The following TENM3 variants were observed in gnomAD, a reference collection of about 807,000 sequenced individuals.
TENM3 encodes teneurin transmembrane protein 3.
TENM3 carries 63 observed loss-of-function variants against 255.1 expected under a neutral mutation model. The observed-to-expected ratio is 0.25, with a 90% CI of 0.20 to 0.30. The LOEUF is 0.30. Ranked by LOEUF, TENM3 falls within the 10% of genes least tolerant of loss-of-function variation. The probability of loss-of-function intolerance (pLI) is 1.00; values close to 1 mark genes in which losing one functional copy is unlikely to be tolerated. For synonymous variants in TENM3, 1,306 were observed against 1,322.3 expected, an observed-to-expected ratio of 0.99 and a Z score of 0.27; for missense variants, 2,929 against 3,461.1, an observed-to-expected ratio of 0.85 and a Z score of 3.86.
the TENM3 span, among the ~76,000 whole-genome samples, chr4:181,520,485 AAGAC>A: frequency 6.6e-6 from 1 of 152,180 alleles, no homozygotes; most frequent in Non-Finnish European, 1.5e-5. Flanking sequence ...ACATGACTGA[AAGAC>A]AGTTTTGTAA....
intron 2 of TENM3, 32 bp from the exon 3 acceptor site, chr4:182,346,619 A>G: frequency 6.3e-7 from 1 of 1,582,178 alleles, no homozygotes; most frequent in Non-Finnish European, 8.7e-7. Flanking sequence ...ACATATACTC[A>G]CTAGTTGTTA....
At chr4:182,327,511 CTTGAA>C (rs10604605) in intron 2 of TENM3, among the ~76,000 whole-genome samples, 70,555 of 151,714 alleles carry the variant, frequency 0.47, 16,831 homozygotes, top group Non-Finnish European at 0.52. Context: ...AATTATCAAA[CTTGAA>C]TTTAATGGTT....
chr4:181,740,871 T>C, the TENM3 span, among the ~76,000 whole-genome samples: 1 of 152,170 alleles, frequency 6.6e-6, no homozygotes, highest in African/African-American at 2.4e-5. Context: ...TACTTTGCTG[T>C]ACCTACTGTT....
At chr4:181,845,669 A>G in the TENM3 span, among the ~76,000 whole-genome samples, 1 of 152,232 alleles carries the variant, frequency 6.6e-6, no homozygotes, top group Admixed American at 6.5e-5. Context: ...TTTGCACCAC[A>G]TGACTGGTAA....
chr4:182,630,658 T>C (rs940068506), intron 5 of TENM3, among the ~76,000 whole-genome samples: 4 of 152,144 alleles, frequency 2.6e-5, no homozygotes, highest in Non-Finnish European at 5.9e-5. Flanking sequence ...GGCACACATT[T>C]ACCTATGTAA....
intron 4 of TENM3, among the ~76,000 whole-genome samples, chr4:182,603,308 T>A (rs1417707496): frequency 1.3e-5 from 2 of 152,176 alleles, no homozygotes; most frequent in East Asian, 1.9e-4. Context: ...TACAGTTTTA[T>A]GAGTTTCAGG....
At chr4:181,954,350 T>C in the TENM3 span, among the ~76,000 whole-genome samples, 2 of 152,164 alleles carry the variant, frequency 1.3e-5, no homozygotes, top group Non-Finnish European at 2.9e-5. Context: ...GCTGGAAAAC[T>C]GTTTTACAAA....
chr4:182,499,836 A>C (rs961884267), intron 3 of TENM3, among the ~76,000 whole-genome samples: 9 of 152,180 alleles, frequency 5.9e-5, no homozygotes, highest in African/African-American at 2.2e-4. Context: ...CCCTTCTCCC[A>C]AAATCTATTT....
At chr4:182,448,632 G>A (rs1580579319) in intron 3 of TENM3, among the ~76,000 whole-genome samples, 2 of 151,990 alleles carry the variant, frequency 1.3e-5, no homozygotes, top group South Asian at 2.1e-4. Context: ...AAGCCCCGCC[G>A]AGGAACACGG....
the TENM3 span, among the ~76,000 whole-genome samples, chr4:181,673,953 C>G: frequency 6.6e-6 from 1 of 151,694 alleles, no homozygotes. Flanking sequence ...TCTTCTAAAG[C>G]AACCACAGCA....
chr4:182,429,666 T>C (rs2151184013), intron 3 of TENM3, among the ~76,000 whole-genome samples: 1 of 152,354 alleles, frequency 6.6e-6, no homozygotes, highest in East Asian at 1.9e-4. Flanking sequence ...TTTCTAAATC[T>C]TTATTACCAT....
the TENM3 span, among the ~76,000 whole-genome samples, chr4:181,831,087 T>C: frequency 0.37 from 56,063 of 152,064 alleles, 10,490 homozygotes; most frequent in Middle Eastern, 0.41. Context: ...AATGTTTGTC[T>C]AATTTAATAT....
At chr4:182,264,058 T>C (rs1759067885) in intron 1 of TENM3, among the ~76,000 whole-genome samples, 1 of 152,224 alleles carries the variant, frequency 6.6e-6, no homozygotes, top group African/African-American at 2.4e-5. Context: ...AGGGTAAGAA[T>C]TCTTTACCAG....
At chr4:181,567,239 C>A in the TENM3 span, among the ~76,000 whole-genome samples, 27 of 152,318 alleles carry the variant, frequency 1.8e-4, no homozygotes, top group Admixed American at 8.5e-4. Context: ...CCTTCAGGAA[C>A]CTTTCATTAT....
chr4:181,507,348 C>T, the TENM3 span, among the ~76,000 whole-genome samples: 1 of 152,298 alleles, frequency 6.6e-6, no homozygotes, highest in South Asian at 2.1e-4. Flanking sequence ...ACAAGTCACA[C>T]GTGTGTCATC....
chr4:182,310,002 A>C (rs1762352337), intron 1 of TENM3, among the ~76,000 whole-genome samples: 1 of 152,206 alleles, frequency 6.6e-6, no homozygotes, highest in South Asian at 2.1e-4. Flanking sequence ...GGATAATTAA[A>C]AGTAGTAAAC....
chr4:182,370,147 AG>A (rs1329492028), intron 3 of TENM3, among the ~76,000 whole-genome samples: 1 of 152,204 alleles, frequency 6.6e-6, no homozygotes, highest in Non-Finnish European at 1.5e-5. Context: ...AAGGGAGGAA[AG>A]TCATGTTGGG....
chr4:181,883,264 A>G, the TENM3 span, among the ~76,000 whole-genome samples: 1 of 152,132 alleles, frequency 6.6e-6, no homozygotes, highest in Non-Finnish European at 1.5e-5. Flanking sequence ...GCATTGTGCT[A>G]AGAACCTGTG....
chr4:182,412,677 A>G (rs1307332167), intron 3 of TENM3, among the ~76,000 whole-genome samples: 1 of 151,980 alleles, frequency 6.6e-6, no homozygotes, highest in East Asian at 1.9e-4. Flanking sequence ...TATCCTGGCC[A>G]ATACAGTGAA....
Sources: allele counts gnomAD v4.1 joint callset (sites outside exome capture counted in the v4.1 genomes callset), GRCh38; gene constraint gnomAD v4.1.1; transcripts MANE v1.5; gene names NCBI Gene and HGNC (gene_info 2026-07-23, HGNC 2026-07-21).